Variants in EYA4 observed in about 807,000 individuals in gnomAD.
EYA4 encodes EYA transcriptional coactivator and phosphatase 4.
Under a neutral mutation model 87.9 loss-of-function variants are expected in EYA4, and 31 were observed. The ratio of observed to expected loss-of-function variants is 0.35; its 90% confidence interval spans 0.27 to 0.48. The LOEUF (loss-of-function observed/expected upper bound fraction) is 0.48, where lower values mean the gene tolerates loss of function less well. Ranked by LOEUF, EYA4 falls within the 20% of genes least tolerant of loss-of-function variation. The pLI, the probability that EYA4 is intolerant of heterozygous loss-of-function variation, is 0.99. For synonymous variants in EYA4, 263 were observed against 270.6 expected (o/e 0.97, Z 0.28); for missense variants, 678 against 761.4 (o/e 0.89, Z 1.29).
At chr6:133,408,764 T>A (rs968488663) in intron 3 of EYA4, among the ~76,000 whole-genome samples, 1 of 152,214 alleles carries the variant, frequency 6.6e-6, no homozygotes, top group African/African-American at 2.4e-5. Flanking sequence ...TGAGTGTTAG[T>A]CATGATGTCA....
chr6:133,271,926 G>C (rs1476766629), intron 1 of EYA4, among the ~76,000 whole-genome samples: 1 of 152,198 alleles, frequency 6.6e-6, no homozygotes, highest in African/African-American at 2.4e-5. Context: ...TGATCACTCA[G>C]AGAGGTCTAT....
rs1395623929 is a variant in EYA4, at chr6:133,512,998, A to G, written c.1461A>G (p.Arg487=). ...WMRKLAFRYR[R]VKELYNTYKN... ...GGAAGTTGGCTTTTCGTTACAGAAG[A>G]GTAAAAGAATTATATAACACCTACA... The change falls in exon 16 of 20, where the codon AGA becomes AGG. Residue 487 remains arginine (R), a synonymous_variant. Coordinates refer to ENST00000355286, the MANE Select transcript of EYA4 (RefSeq NM_004100.5). 1 of 1,614,156 alleles carries G rather than the reference A, an allele frequency of 6.2e-7. No homozygotes were observed. Among genetic ancestry groups the G allele is most frequent in the East Asian group, 2.2e-5 (1 of 44,874 alleles).
intron 2 of EYA4, among the ~76,000 whole-genome samples, chr6:133,297,163 C>T (rs9399056): frequency 0.17 from 25,934 of 152,102 alleles, 2,662 homozygotes; most frequent in East Asian, 0.42. Context: ...TGTGTCTACA[C>T]ACATGATTTC....
At chr6:133,318,887 C>T (rs1562283875) in intron 2 of EYA4, among the ~76,000 whole-genome samples, 1 of 152,140 alleles carries the variant, frequency 6.6e-6, no homozygotes, top group Non-Finnish European at 1.5e-5. Context: ...TTTACGCACG[C>T]ACTATATTAA....
chr6:133,313,318 G>T (rs1280690437), intron 2 of EYA4, among the ~76,000 whole-genome samples: 1 of 152,190 alleles, frequency 6.6e-6, no homozygotes. Flanking sequence ...ATAGCTATCT[G>T]CCTGTGTCTA....
chr6:133,336,131 C>G (rs1408316475), intron 2 of EYA4, among the ~76,000 whole-genome samples: 2 of 152,000 alleles, frequency 1.3e-5, no homozygotes, highest in African/African-American at 2.4e-5. Context: ...TTTTGCAGTT[C>G]CCAATAGGAT....
chr6:133,501,407 T>A (rs1798104982), intron 13 of EYA4, among the ~76,000 whole-genome samples: 1 of 152,082 alleles, frequency 6.6e-6, no homozygotes, highest in Non-Finnish European at 1.5e-5. Flanking sequence ...ACATAATTAG[T>A]CACTCAATAA....
At chr6:133,466,871 G>A (rs1794896009) in intron 10 of EYA4, among the ~76,000 whole-genome samples, 1 of 152,032 alleles carries the variant, frequency 6.6e-6, no homozygotes, top group Non-Finnish European at 1.5e-5. Context: ...GTAAGGCCTG[G>A]TGGTTTACAA....
intron 2 of EYA4, among the ~76,000 whole-genome samples, chr6:133,282,092 C>G (rs1390760375): frequency 1.3e-5 from 2 of 151,980 alleles, no homozygotes; most frequent in African/African-American, 2.4e-5. Context: ...GTTTCTTTTC[C>G]TTTGGGTCTA....
chr6:133,356,999 C>A (rs930655857), intron 2 of EYA4, among the ~76,000 whole-genome samples: 1 of 151,744 alleles, frequency 6.6e-6, no homozygotes, highest in Non-Finnish European at 1.5e-5. Context: ...AGGCCAGGCG[C>A]GGTGGCTCAC....
In EYA4 at chr6:133,292,920, G is replaced by A. The variant is rs1778604537; in HGVS notation, c.33+18107G>A. 3.9e-5 allele frequency among the ~76,000 whole-genome samples: 6 copies of A among 152,254 alleles called. No homozygotes were observed. In the South Asian group the frequency reaches 1.0e-3, roughly 26 times the overall value. On this transcript the variant is annotated intron_variant, in intron 2 of 19. Coordinates refer to ENST00000355286, the MANE Select transcript of EYA4 (RefSeq NM_004100.5). Reference sequence around the variant, plus strand: ...ATAGATGTAATTAGAGTAAACTAAGGATCAGTCTGAGTATAATGAAGTATA... The same window carrying A: ...ATAGATGTAATTAGAGTAAACTAAGAATCAGTCTGAGTATAATGAAGTATA...
chr6:133,324,633 C>A (rs1781348966), intron 2 of EYA4, among the ~76,000 whole-genome samples: 2 of 151,842 alleles, frequency 1.3e-5, no homozygotes, highest in South Asian at 4.1e-4. Context: ...AAAGAGGATC[C>A]TTGTAAAAGT....
intron 5 of EYA4, chr6:133,452,843 A>G (rs1793577457): frequency 6.6e-6 from 1 of 152,124 alleles, no homozygotes; most frequent in Admixed American, 6.5e-5. Context: ...CACTTTTAGC[A>G]AAACGAGCTC....
chr6:133,258,892 A>T (rs1775566455), intron 1 of EYA4, among the ~76,000 whole-genome samples: 1 of 152,116 alleles, frequency 6.6e-6, no homozygotes. Flanking sequence ...TCCAACAAAC[A>T]AGCAAACAGA....
At chr6:133,364,304 TCA>T (rs898831912) in intron 2 of EYA4, among the ~76,000 whole-genome samples, 146 of 152,316 alleles carry the variant, frequency 9.6e-4, no homozygotes, top group African/African-American at 3.3e-3. Flanking sequence ...GGTTGGGCTG[TCA>T]CAGTTATTTA....
intron 3 of EYA4, among the ~76,000 whole-genome samples, chr6:133,388,495 T>C (rs1267192989): frequency 1.3e-5 from 2 of 152,104 alleles, no homozygotes; most frequent in Non-Finnish European, 1.5e-5. Flanking sequence ...CAGTAGCTCA[T>C]TGGGAACTCC....
At position 133,430,506 on chromosome 6, in the gene EYA4, ATTGTTCTACT is replaced by A. The variant is rs558277636; in HGVS notation, c.84-16121_84-16112del. Among the ~76,000 whole-genome samples the A allele has an allele frequency of 7.9e-5, 12 of 152,318 alleles. No homozygotes were observed. The South Asian group carries it at 2.5e-3, about 32-fold the overall frequency. ...TAGAAACTCATTAAATGATTATTAA[ATTGTTCTACT>A]TTTCATATTTAAGGATGAAAAATAT... On this transcript the variant is annotated intron_variant, in intron 3 of 19. Transcript: ENST00000355286.
intron 3 of EYA4, among the ~76,000 whole-genome samples, chr6:133,407,903 G>A (rs1186521084): frequency 6.6e-6 from 1 of 152,100 alleles, no homozygotes; most frequent in Admixed American, 6.5e-5. Flanking sequence ...AAAGCTGCTT[G>A]TTTTGCTTGC....
At chr6:133,389,055 C>T (rs945464308) in intron 3 of EYA4, among the ~76,000 whole-genome samples, 4 of 152,082 alleles carry the variant, frequency 2.6e-5, no homozygotes, top group African/African-American at 9.7e-5. Flanking sequence ...TTCTCCTTTC[C>T]CCTCCCACCT....
Sources: gnomAD v4.1 joint callset for allele counts (sites outside exome capture counted in the v4.1 genomes callset) on GRCh38, gnomAD v4.1.1 for gene constraint, MANE v1.5 for transcripts, NCBI Gene and HGNC (gene_info 2026-07-23, HGNC 2026-07-21) for gene names.